SORCS2: variants seen among roughly 807,000 people sequenced by gnomAD.
SORCS2 encodes the protein sortilin related VPS10 domain containing receptor 2.
SORCS2 carries 100 observed loss-of-function variants against 141.6 expected under a neutral mutation model. The observed-to-expected ratio is 0.71, with a 90% CI of 0.60 to 0.83. The LOEUF (loss-of-function observed/expected upper bound fraction) is 0.83, where lower values mean the gene tolerates loss of function less well. Among genes scored for constraint, SORCS2 ranks in the 40% least tolerant of loss-of-function variants. The probability of loss-of-function intolerance (pLI) is 0.00; values close to 1 mark genes in which losing one functional copy is unlikely to be tolerated. For missense variants in SORCS2, 1,646 were observed against 1,560.2 expected (o/e 1.05, Z -0.93); for synonymous variants, 789 against 676.9 (o/e 1.17, Z -2.57).
chr4:7,676,830 CCTCT>C (rs1723172089), intron 9 of SORCS2, among the ~76,000 whole-genome samples: 1 of 56,452 alleles, frequency 1.8e-5, no homozygotes, highest in African/African-American at 6.3e-5. Context: ...TCTCTCTCTC[CCTCT>C]CTCCACCCCA....
chr4:7,489,244 G>A (rs1731175839), intron 2 of SORCS2, among the ~76,000 whole-genome samples: 1 of 152,232 alleles, frequency 6.6e-6, no homozygotes, highest in South Asian at 2.1e-4. Flanking sequence ...TGGTTGCCTA[G>A]AGTCATGTTC....
intron 2 of SORCS2, among the ~76,000 whole-genome samples, chr4:7,448,597 C>T (rs1205542965): frequency 4.7e-5 from 2 of 42,232 alleles, no homozygotes; most frequent in African/African-American, 1.5e-4. Context: ...TCCCTCTCTT[C>T]CTCTATCCCT....
Position 7,726,892 on chromosome 4 carries a change from T to G in SORCS2, c.2858T>G (p.Leu953Arg). 6.2e-7 allele frequency: 1 copy of G among 1,613,274 alleles called. No individual in the cohort carries two copies. Among genetic ancestry groups the G allele is most frequent in the Non-Finnish European group, 8.5e-7 (1 of 1,179,452 alleles). ...GNSVLQDSRV[L>R]RVLDQFQVMP... Reference sequence around the variant, plus strand: ...TCGGTGCTGCAGGACTCCAGGGTCCTCCGTGTGCTGGGTAAGTACTTCCTG... The same window carrying G: ...TCGGTGCTGCAGGACTCCAGGGTCCGCCGTGTGCTGGGTAAGTACTTCCTG... The change falls in exon 21 of 27, where the codon CTC becomes CGC. Residue 953 changes from leucine (L) to arginine (R), a missense_variant. Coordinates refer to ENST00000507866, the MANE Select transcript of SORCS2 (RefSeq NM_020777.3).
At chr4:7,477,409 G>T (rs115255939) in intron 2 of SORCS2, among the ~76,000 whole-genome samples, 2,220 of 8,950 alleles carry the variant, frequency 0.25, 59 homozygotes, top group African/African-American at 0.3. Context: ...GGCTGACTGG[G>T]GCTGACCGTG....
intron 1 of SORCS2, among the ~76,000 whole-genome samples, chr4:7,343,556 G>A (rs1340448849): frequency 6.6e-6 from 1 of 152,214 alleles, no homozygotes; most frequent in Non-Finnish European, 1.5e-5. Context: ...CTTGACCTCC[G>A]TAAGTGCAGG....
intron 8 of SORCS2, among the ~76,000 whole-genome samples, chr4:7,667,994 G>A (rs975214876): frequency 3.9e-5 from 6 of 152,212 alleles, no homozygotes; most frequent in African/African-American, 1.4e-4. Flanking sequence ...ACATTGAGAT[G>A]ACACCTTCTG....
chr4:7,384,674 G>C (rs939075643), intron 1 of SORCS2, among the ~76,000 whole-genome samples: 1 of 152,180 alleles, frequency 6.6e-6, no homozygotes, highest in Non-Finnish European at 1.5e-5. Context: ...AGTGTGTTCT[G>C]GGTTCCCACC....
rs142811455 is a variant in SORCS2, at chr4:7,720,855, G to A, written c.2424+2672G>A. 2.1e-4 allele frequency among the ~76,000 whole-genome samples: 32 copies of A among 152,324 alleles called. No individual in the cohort carries two copies. In the East Asian group the frequency reaches 5.8e-3, roughly 28 times the overall value. On this transcript the variant is annotated intron_variant, in intron 18 of 26. Coordinates refer to ENST00000507866, the MANE Select transcript of SORCS2 (RefSeq NM_020777.3). ...GCATGAAGTACCGGTGAGGATGCAG[G>A]GAAGGACACTGGATCACTTACGCAT...
intron 2 of SORCS2, among the ~76,000 whole-genome samples, chr4:7,531,175 A>C (rs1711604561): frequency 6.6e-6 from 1 of 152,204 alleles, no homozygotes; most frequent in South Asian, 2.1e-4. Flanking sequence ...ATCCCTTTGG[A>C]GGCTTCTCTG....
Position 7,252,224 on chromosome 4 carries a change from G to A in SORCS2, c.480+59098G>A, listed in dbSNP as rs917132760. 5.3e-5 allele frequency among the ~76,000 whole-genome samples: 8 copies of A among 152,218 alleles called. No individual in the cohort carries two copies. In the South Asian group the frequency reaches 1.7e-3, roughly 32 times the overall value. ...CGCCAAGGAGGCCCGAGGCAGGAGAGTGGGAGGGCAGGGTCTTCCAGAGAG... is the reference window on the plus strand; with the variant it reads ...CGCCAAGGAGGCCCGAGGCAGGAGAATGGGAGGGCAGGGTCTTCCAGAGAG... On this transcript the variant is annotated intron_variant, in intron 1 of 26. Transcript: ENST00000507866.
intron 1 of SORCS2, among the ~76,000 whole-genome samples, chr4:7,364,178 C>T (rs571400259): frequency 1.7e-4 from 26 of 152,330 alleles, no homozygotes; most frequent in African/African-American, 5.8e-4. Context: ...TTTGTGAAGC[C>T]ATATGCACAG....
intron 4 of SORCS2, among the ~76,000 whole-genome samples, chr4:7,650,904 C>T (rs1254685524): frequency 1.3e-5 from 2 of 152,112 alleles, no homozygotes; most frequent in African/African-American, 2.4e-5. Flanking sequence ...GCATATGATG[C>T]TTCTGGGGTG....
At chr4:7,418,919 T>C (rs2109182423) in intron 2 of SORCS2, among the ~76,000 whole-genome samples, 1 of 152,222 alleles carries the variant, frequency 6.6e-6, no homozygotes, top group Admixed American at 6.5e-5. Flanking sequence ...CTGGGCCAAA[T>C]GACTCTTATC....
At chr4:7,715,039 T>G in intron 16 of SORCS2, 144 bp from the exon 17 acceptor site, 2 of 1,129,476 alleles carry the variant, frequency 1.8e-6, no homozygotes, top group East Asian at 4.8e-5. Flanking sequence ...GCTGTGGGTG[T>G]TCCTTGATGT....
At chr4:7,282,822 A>G (rs887908732) in intron 1 of SORCS2, among the ~76,000 whole-genome samples, 10 of 152,062 alleles carry the variant, frequency 6.6e-5, no homozygotes, top group Admixed American at 6.5e-5. Context: ...GCCCTGTGGG[A>G]CCCAGGGCTG....
chr4:7,509,948 C>G (rs995769289), intron 2 of SORCS2, among the ~76,000 whole-genome samples: 1 of 152,228 alleles, frequency 6.6e-6, no homozygotes, highest in Non-Finnish European at 1.5e-5. Context: ...CAAAATACCC[C>G]TTTCTTTCTT....
chr4:7,646,424 A>G (rs540297556), intron 4 of SORCS2, among the ~76,000 whole-genome samples: 3 of 152,322 alleles, frequency 2.0e-5, no homozygotes, highest in African/African-American at 7.2e-5. Flanking sequence ...TTAAATGATC[A>G]TTAGACTATT....
At chr4:7,332,302 G>C (rs1377828593) in intron 1 of SORCS2, among the ~76,000 whole-genome samples, 2 of 152,198 alleles carry the variant, frequency 1.3e-5, no homozygotes, top group African/African-American at 4.8e-5. Flanking sequence ...CTGTCCGCAG[G>C]CTCTGTCCAC....
In SORCS2 at chr4:7,627,670, G is replaced by C. The variant is rs559440150; in HGVS notation, c.649-10658G>C. 2.0e-5 allele frequency among the ~76,000 whole-genome samples: 3 copies of C among 152,318 alleles called. No homozygotes were observed. In the East Asian group the frequency reaches 5.8e-4, roughly 29 times the overall value. ...GAAAAATGCCTTAGCAAAATTCCTG[G>C]GTCTTGGCAGGGAAGAGGTTAGGCA... On this transcript the variant is annotated intron_variant, in intron 3 of 26. Transcript: ENST00000507866.
Sources: gnomAD v4.1 joint callset for allele counts (sites outside exome capture counted in the v4.1 genomes callset) on GRCh38, gnomAD v4.1.1 for gene constraint, MANE v1.5 for transcripts, NCBI Gene and HGNC (gene_info 2026-07-23, HGNC 2026-07-21) for gene names.